The following FER1L6 variants were observed in gnomAD, a reference collection of about 807,000 sequenced individuals.
The protein encoded by FER1L6 is fer-1 like family member 6.
FER1L6 carries 177 observed loss-of-function variants against 219.2 expected under a neutral mutation model. That is an observed-to-expected ratio of 0.81 (90% CI 0.71 to 0.91). The LOEUF is 0.91. Among genes scored for constraint, FER1L6 ranks in the 40% least tolerant of loss-of-function variants. The pLI, the probability that FER1L6 is intolerant of heterozygous loss-of-function variation, is 0.00. For missense variants in FER1L6, 2,153 were observed against 2,259.9 expected (o/e 0.95, Z 0.96); for synonymous variants, 768 against 824.3 (o/e 0.93, Z 1.17).
chr8:124,045,635 G>C (rs1265657048), intron 20 of FER1L6, 132 bp from the exon 21 acceptor site: 1 of 997,248 alleles, frequency 1.0e-6, no homozygotes, highest in African/African-American at 1.6e-5. Context: ...ATAGTCACTT[G>C]AATATTGAAT....
chr8:123,997,959 G>T (rs1374393835), intron 12 of FER1L6, among the ~76,000 whole-genome samples: 6 of 152,082 alleles, frequency 3.9e-5, no homozygotes, highest in Non-Finnish European at 8.8e-5. Context: ...CAGCTATTTT[G>T]ATTTCTCTGA....
intron 35 of FER1L6, among the ~76,000 whole-genome samples, chr8:124,096,070 C>T (rs1822271629): frequency 6.6e-6 from 1 of 152,122 alleles, no homozygotes; most frequent in Non-Finnish European, 1.5e-5. Flanking sequence ...CCCTGCTATC[C>T]CAGAGTTATT....
intron 1 of FER1L6, among the ~76,000 whole-genome samples, chr8:123,940,790 C>T (rs1253735277): frequency 6.6e-6 from 1 of 152,200 alleles, no homozygotes; most frequent in Non-Finnish European, 1.5e-5. Flanking sequence ...TTTCCCAGAG[C>T]TGTTGGCATT....
Position 123,853,882 on chromosome 8 carries a change from G to T in FER1L6, c.-8+1697G>T, listed in dbSNP as rs1816575719. Reference sequence around the variant, plus strand: ...GACTCTGCAGAGCTGCCAGTCTCCTGCAACTCCACAGAGCCTGGACAGGGC... The same window carrying T: ...GACTCTGCAGAGCTGCCAGTCTCCTTCAACTCCACAGAGCCTGGACAGGGC... On this transcript the variant is annotated intron_variant, in intron 1 of 40. Transcript: ENST00000522917. This position sits in a 1 kb window ranked among gnomAD's most constrained non-coding sequence, Gnocchi z 6.6. Among the ~76,000 whole-genome samples, 1 of 152,180 alleles carries T rather than the reference G, an allele frequency of 6.6e-6. No individual in the cohort carries two copies. The highest frequency in any genetic ancestry group is 2.1e-4 in the South Asian group (1 of 4,826).
chr8:123,879,722 TAC>T (rs139893329), intron 1 of FER1L6, among the ~76,000 whole-genome samples: 16 of 151,266 alleles, frequency 1.1e-4, no homozygotes, highest in African/African-American at 3.1e-4. Flanking sequence ...TGCATGCGCA[TAC>T]ACACACACAC....
At chr8:123,963,194 G>GC in intron 2 of FER1L6, 84 bp from the exon 3 acceptor site, 1 of 1,575,690 alleles carries the variant, frequency 6.3e-7, no homozygotes, top group Non-Finnish European at 8.6e-7. Context: ...TATGGTGCCT[G>GC]CCACAGGGCT....
intron 35 of FER1L6, 106 bp downstream of exon 35, chr8:124,095,144 T>C (rs1822225594): frequency 7.0e-7 from 1 of 1,427,104 alleles, no homozygotes; most frequent in Non-Finnish European, 9.5e-7. Flanking sequence ...CATTTAGCAA[T>C]GTCTGGAATC....
intron 8 of FER1L6, 143 bp downstream of exon 8, chr8:123,975,449 C>T (rs1816029697): frequency 1.4e-6 from 1 of 713,960 alleles, no homozygotes; most frequent in Non-Finnish European, 2.3e-6. Flanking sequence ...CTCTATCAGA[C>T]ACCAAGATGT....
chr8:123,978,578 T>G (rs929046396), intron 10 of FER1L6, among the ~76,000 whole-genome samples: 4 of 152,216 alleles, frequency 2.6e-5, no homozygotes, highest in Non-Finnish European at 5.9e-5. Flanking sequence ...TGCTACAAAT[T>G]TATACTAATT....
intron 18 of FER1L6, among the ~76,000 whole-genome samples, chr8:124,028,799 C>G (rs1264095170): frequency 6.6e-6 from 1 of 152,172 alleles, no homozygotes; most frequent in Non-Finnish European, 1.5e-5. Flanking sequence ...CTTTAAGTTC[C>G]GGGATACATG....
chr8:124,103,818 C>T (rs28758377), intron 39 of FER1L6, among the ~76,000 whole-genome samples: 5,833 of 152,262 alleles, frequency 0.038, 347 homozygotes, highest in African/African-American at 0.13. Flanking sequence ...TGTTCTTTCA[C>T]CTCCTTCACT....
rs141333614 is a variant in FER1L6 at position 124,069,481 on chromosome 8, T to C, written c.3834+6T>C. On this transcript the variant is annotated splice_donor_region_variant and intron_variant, in intron 29 of 40. Coordinates refer to ENST00000522917, the MANE Select transcript of FER1L6 (RefSeq NM_001039112.2). ...CCAACCTGGCCATCTTGCAGGTATG[T>C]GGGGACACAGGCATCTCTGCCATGG... The C allele has an allele frequency of 3.1e-6, 5 of 1,597,298 alleles. No homozygotes were observed. The South Asian group carries it at 4.5e-5, about 14-fold the overall frequency.
At chr8:123,925,549 G>A (rs960068464) in intron 1 of FER1L6, among the ~76,000 whole-genome samples, 3 of 152,154 alleles carry the variant, frequency 2.0e-5, no homozygotes, top group African/African-American at 7.2e-5. Flanking sequence ...GCTGAAAATT[G>A]GCAATTCTGT....
rs71576706 is a variant in FER1L6, at chr8:123,856,316, G to GTGTATATATATATATATATA, written c.-8+4132_-8+4133insGTATATATATATATATATAT. ...TGTATATATATATATATATGTATGT[G>GTGTATATATATATATATATA]TATATATATATATATATATATATAT... is the stretch of plus-strand genomic sequence containing the variant. On this transcript the variant is annotated intron_variant, in intron 1 of 40. Coordinates refer to ENST00000522917, the MANE Select transcript of FER1L6 (RefSeq NM_001039112.2). 8.9e-5 allele frequency among the ~76,000 whole-genome samples: 4 copies of GTGTATATATATATATATATA among 45,112 alleles called. 1 individual carries two copies. The highest frequency in any genetic ancestry group is 3.5e-4 in the African/African-American group (4 of 11,494). The allele number at this position is 45,112 out of a possible 152,430, so 29.6% of individuals were successfully genotyped here.
At chr8:124,085,450 T>C (rs913477423) in intron 33 of FER1L6, among the ~76,000 whole-genome samples, 3 of 152,110 alleles carry the variant, frequency 2.0e-5, no homozygotes, top group African/African-American at 7.2e-5. Context: ...AAGAAATTTC[T>C]AAATTTCTTT....
chr8:123,886,161 C>T (rs1817197520), intron 1 of FER1L6, among the ~76,000 whole-genome samples: 1 of 152,138 alleles, frequency 6.6e-6, no homozygotes. Context: ...TCCAGTAATC[C>T]TGATGTCTTT....
chr8:124,033,697 C>G (rs1819072198), intron 18 of FER1L6, among the ~76,000 whole-genome samples: 2 of 152,304 alleles, frequency 1.3e-5, no homozygotes, highest in Middle Eastern at 3.4e-3. Flanking sequence ...AATATTAGCT[C>G]ATATTACCTA....
chr8:124,045,935 C>T (rs199824165), intron 21 of FER1L6, 34 bp downstream of exon 21: 1 of 1,604,878 alleles, frequency 6.2e-7, no homozygotes, highest in Non-Finnish European at 8.5e-7. Context: ...CTGACCACAC[C>T]TCATAAAAAA....
intron 39 of FER1L6, among the ~76,000 whole-genome samples, chr8:124,110,883 GC>G (rs1226147229): frequency 1.3e-5 from 2 of 151,828 alleles, no homozygotes; most frequent in Non-Finnish European, 2.9e-5. Context: ...TGTTATCAGT[GC>G]CCCCCCTCCC....
Sources: gnomAD v4.1 joint callset for allele counts (sites outside exome capture counted in the v4.1 genomes callset) on GRCh38, gnomAD v4.1.1 for gene constraint, Gnocchi (gnomAD v3.1) non-coding constraint, MANE v1.5 for transcripts, NCBI Gene and HGNC (gene_info 2026-07-23, HGNC 2026-07-21) for gene names.